TAFA5: variants seen among roughly 807,000 people sequenced by gnomAD.
TAFA5 encodes the protein TAFA chemokine like family member 5.
TAFA5 carries 6 observed loss-of-function variants against 15.3 expected under a neutral mutation model. That is an observed-to-expected ratio of 0.39 (90% confidence interval 0.21 to 0.77). The LOEUF is 0.77. Among genes scored for constraint, TAFA5 ranks in the 30% least tolerant of loss-of-function variants. The pLI is 0.41. For synonymous variants in TAFA5, 103 were observed against 80.7 expected, an observed-to-expected ratio of 1.28 and a Z score of -1.48; for missense variants, 161 against 193.1, an observed-to-expected ratio of 0.83 and a Z score of 0.98.
intron 1 of TAFA5, among the ~76,000 whole-genome samples, chr22:48,608,603 C>T (rs767274230): frequency 3.9e-5 from 6 of 152,200 alleles, no homozygotes; most frequent in Admixed American, 6.5e-5. Flanking sequence ...TTGGTCACAT[C>T]CTGCTGACCG....
intron 2 of TAFA5, among the ~76,000 whole-genome samples, chr22:48,695,756 C>T (rs1050624010): frequency 5.3e-5 from 8 of 152,126 alleles, no homozygotes; most frequent in African/African-American, 1.2e-4. Context: ...CCTGAGCTGC[C>T]GACTCTTTGA....
intron 1 of TAFA5, among the ~76,000 whole-genome samples, chr22:48,555,791 G>A (rs139703669): frequency 1.4e-4 from 21 of 152,318 alleles, no homozygotes; most frequent in Non-Finnish European, 2.2e-4. Flanking sequence ...GGCAAGATAC[G>A]GGGGTGGGGA....
chr22:48,540,006 T>C (rs963296549), intron 1 of TAFA5, among the ~76,000 whole-genome samples: 8 of 151,438 alleles, frequency 5.3e-5, no homozygotes, highest in African/African-American at 1.9e-4. Flanking sequence ...GTCCCATGGA[T>C]TGGGGGGTTG....
chr22:48,508,106 A>T (rs528362144), intron 1 of TAFA5, among the ~76,000 whole-genome samples: 6 of 152,072 alleles, frequency 3.9e-5, no homozygotes, highest in Non-Finnish European at 8.8e-5. Flanking sequence ...CCTGAGGCAG[A>T]GCCAGTACGT....
At chr22:48,720,383 T>TC (rs1213862480) in intron 3 of TAFA5, among the ~76,000 whole-genome samples, 1 of 152,088 alleles carries the variant, frequency 6.6e-6, no homozygotes, top group Non-Finnish European at 1.5e-5. Context: ...TGACCCAACA[T>TC]CTCAGGGACA....
intron 1 of TAFA5, among the ~76,000 whole-genome samples, chr22:48,507,341 AG>A (rs1921035607): frequency 6.6e-6 from 1 of 151,998 alleles, no homozygotes; most frequent in African/African-American, 2.4e-5. Context: ...CAAGTCACTG[AG>A]GCAGGGGTGG....
At chr22:48,642,169 C>A (rs1213787985) in intron 1 of TAFA5, among the ~76,000 whole-genome samples, 1 of 152,152 alleles carries the variant, frequency 6.6e-6, no homozygotes, top group Non-Finnish European at 1.5e-5. Context: ...CGTGGGGCAG[C>A]CTGGTGGAGC....
rs1035068534 is a variant in TAFA5 at position 48,490,205 on chromosome 22, G to T, written c.112+501G>T. On this transcript the variant is annotated intron_variant, in intron 1 of 3. Coordinates refer to ENST00000402357, the MANE Select transcript of TAFA5 (RefSeq NM_001082967.3). This position sits in a 1 kb window ranked among gnomAD's most constrained non-coding sequence, Gnocchi z 5.8. Reference sequence around the variant, plus strand: ...GCCTGGGCTCGGAGGAGCAGCTGGAGCTTCCGCTTTCCCGGGAAACGGGCT... The same window carrying T: ...GCCTGGGCTCGGAGGAGCAGCTGGATCTTCCGCTTTCCCGGGAAACGGGCT... 8.5e-5 allele frequency among the ~76,000 whole-genome samples: 13 copies of T among 152,166 alleles called. No individual in the cohort carries two copies. The highest frequency in any genetic ancestry group is 1.8e-4 in the Non-Finnish European group (12 of 68,016).
rs540109229 is a variant in TAFA5 at position 48,742,642 on chromosome 22, G to A, written c.391-7197G>A. Among the ~76,000 whole-genome samples the A allele has an allele frequency of 9.9e-5, 15 of 151,522 alleles. No individual in the cohort carries two copies. In the East Asian group the frequency reaches 2.5e-3, roughly 26 times the overall value. On this transcript the variant is annotated intron_variant, in intron 3 of 3. Transcript: ENST00000402357. The surrounding 1 kb of genome is among the most constrained non-coding windows in gnomAD (Gnocchi z 6.2). ...GGTGGACCAGGCAACGTGGTAGACC[G>A]GGCCGCATGGTGGACCAGGCAACGT...
chr22:48,532,550 G>A (rs1039422057), intron 1 of TAFA5, among the ~76,000 whole-genome samples: 1 of 152,316 alleles, frequency 6.6e-6, no homozygotes, highest in Admixed American at 6.5e-5. Context: ...TCGCTGGTGG[G>A]GTTAGTGAGG....
intron 1 of TAFA5, among the ~76,000 whole-genome samples, chr22:48,621,557 G>A (rs1483562872): frequency 6.6e-6 from 1 of 152,148 alleles, no homozygotes; most frequent in Non-Finnish European, 1.5e-5. Context: ...ATCGGCGGTT[G>A]TAGCAGGAGC....
At chr22:48,749,808 G>A (rs1930429071) in intron 3 of TAFA5, 31 bp from the exon 4 acceptor site, 13 of 1,560,086 alleles carry the variant, frequency 8.3e-6, no homozygotes, top group Non-Finnish European at 1.1e-5. Flanking sequence ...GTCTGCAGGA[G>A]GCTCACCCTC....
intron 1 of TAFA5, among the ~76,000 whole-genome samples, chr22:48,581,912 T>A (rs77923502): frequency 0.12 from 17,800 of 152,080 alleles, 1,219 homozygotes; most frequent in East Asian, 0.25. Flanking sequence ...AGACACATAG[T>A]TTTGTGGCTG....
At chr22:48,713,659 C>CG (rs1265870493) in intron 3 of TAFA5, among the ~76,000 whole-genome samples, 3 of 152,162 alleles carry the variant, frequency 2.0e-5, no homozygotes, top group Admixed American at 1.3e-4. Flanking sequence ...GCGTCGTCCA[C>CG]GGGGGCCTTG....
chr22:48,698,951 TTTTTTG>T (rs754738421), intron 2 of TAFA5, among the ~76,000 whole-genome samples: 1,317 of 38,136 alleles, frequency 0.035, 21 homozygotes, highest in African/African-American at 0.1. Context: ...TTTTTTTTTT[TTTTTTG>T]GCGCGACCAA....
intron 1 of TAFA5, among the ~76,000 whole-genome samples, chr22:48,523,410 C>T (rs1418425818): frequency 2.0e-5 from 3 of 152,224 alleles, no homozygotes; most frequent in Admixed American, 6.5e-5. Context: ...CGCGGCATTC[C>T]GCTGGGCTGT....
At chr22:48,660,236 G>T (rs1927388767) in intron 2 of TAFA5, among the ~76,000 whole-genome samples, 1 of 152,210 alleles carries the variant, frequency 6.6e-6, no homozygotes, top group Non-Finnish European at 1.5e-5. Flanking sequence ...TGGCAAGGAA[G>T]TTGTTGTTTG....
chr22:48,647,203 G>T (rs563016442), intron 2 of TAFA5, among the ~76,000 whole-genome samples: 4 of 152,262 alleles, frequency 2.6e-5, no homozygotes, highest in Admixed American at 2.0e-4. Context: ...GCCTAGACTC[G>T]GGAGGCCGCA....
chr22:48,595,946 C>T (rs1014855572), intron 1 of TAFA5, among the ~76,000 whole-genome samples: 3 of 152,256 alleles, frequency 2.0e-5, no homozygotes, highest in Admixed American at 1.3e-4. Context: ...CATTTGTTAT[C>T]TCTCATTCTG....
Sources: allele counts gnomAD v4.1 joint callset (sites outside exome capture counted in the v4.1 genomes callset), GRCh38; gene constraint gnomAD v4.1.1; non-coding constraint Gnocchi (gnomAD v3.1); transcripts MANE v1.5; gene names NCBI Gene and HGNC (gene_info 2026-07-23, HGNC 2026-07-21).